Variants in NREP observed in about 807,000 individuals in gnomAD.
NREP encodes neuronal regeneration-related protein.
NREP carries 5 observed loss-of-function variants against 8.6 expected under a neutral mutation model. The ratio of observed to expected loss-of-function variants is 0.58; its 90% CI spans 0.30 to 1.22. The LOEUF (loss-of-function observed/expected upper bound fraction) is 1.22. Among genes scored for constraint, NREP ranks in the 50% most tolerant of loss-of-function variants. The pLI, the probability that NREP is intolerant of heterozygous loss-of-function variation, is 0.07. For synonymous variants in NREP, 27 were observed against 28.0 expected, an observed-to-expected ratio of 0.96 and a Z score of 0.11; for missense variants, 86 against 82.5, an observed-to-expected ratio of 1.04 and a Z score of -0.17.
At chr5:111,887,764 G>A (rs555090848) in intron 2 of NREP, among the ~76,000 whole-genome samples, 1 of 152,268 alleles carries the variant, frequency 6.6e-6, no homozygotes, top group East Asian at 1.9e-4. Flanking sequence ...CATGGGCATT[G>A]CTGTTGAGAT....
chr5:111,837,995 T>C (rs1167392071), intron 2 of NREP, among the ~76,000 whole-genome samples: 4 of 152,066 alleles, frequency 2.6e-5, no homozygotes, highest in Non-Finnish European at 5.9e-5. Context: ...ACCTTTAGAG[T>C]CTATTTTCTA....
At chr5:111,780,933 A>C (rs1751479180) in intron 2 of NREP, among the ~76,000 whole-genome samples, 1 of 152,098 alleles carries the variant, frequency 6.6e-6, no homozygotes, top group African/African-American at 2.4e-5. Context: ...GTATATGTGC[A>C]GGTTTGTAAT....
intron 2 of NREP, among the ~76,000 whole-genome samples, chr5:111,891,571 A>T (rs767413722): frequency 1.3e-5 from 2 of 152,218 alleles, no homozygotes; most frequent in Admixed American, 6.5e-5. Context: ...CTATAAAGAA[A>T]TAACTTAGAT....
At chr5:111,913,827 A>G (rs1754979806) in intron 2 of NREP, among the ~76,000 whole-genome samples, 1 of 152,154 alleles carries the variant, frequency 6.6e-6, no homozygotes, top group Non-Finnish European at 1.5e-5. Context: ...GGATAAGAGA[A>G]GTAGAAGAGA....
At chr5:111,767,918 G>A (rs1137207) in intron 2 of NREP, among the ~76,000 whole-genome samples, 1 of 152,072 alleles carries the variant, frequency 6.6e-6, no homozygotes, top group Non-Finnish European at 1.5e-5. Context: ...TCCTGCCTCG[G>A]CCTCCTAAAG....
chr5:111,892,434 C>T (rs1271446739), intron 2 of NREP, among the ~76,000 whole-genome samples: 3 of 152,118 alleles, frequency 2.0e-5, no homozygotes, highest in Non-Finnish European at 4.4e-5. Flanking sequence ...TCACTCAGGG[C>T]ACAATCCCAC....
intron 2 of NREP, among the ~76,000 whole-genome samples, chr5:111,881,924 T>TCTC (rs1754086198): frequency 6.6e-6 from 1 of 152,062 alleles, no homozygotes; most frequent in African/African-American, 2.4e-5. Context: ...GCAGAGCACC[T>TCTC]CTCCTCCTCC....
At chr5:111,823,015 T>C (rs1752545035) in intron 2 of NREP, among the ~76,000 whole-genome samples, 2 of 152,240 alleles carry the variant, frequency 1.3e-5, no homozygotes, top group South Asian at 4.1e-4. Context: ...GCTCTGGTTC[T>C]GAATCTGGAA....
intron 2 of NREP, among the ~76,000 whole-genome samples, chr5:111,905,095 C>A (rs1754747418): frequency 6.6e-6 from 1 of 152,068 alleles, no homozygotes; most frequent in Non-Finnish European, 1.5e-5. Context: ...TTATGCACAC[C>A]AATAAATTTG....
intron 2 of NREP, among the ~76,000 whole-genome samples, chr5:111,749,953 T>C (rs1750250677): frequency 6.6e-6 from 1 of 152,074 alleles, no homozygotes; most frequent in Admixed American, 6.5e-5. Context: ...AAAGTGTAAG[T>C]GAGTGAGTGT....
chr5:111,817,276 G>T (rs62371584), intron 2 of NREP, among the ~76,000 whole-genome samples: 4,371 of 152,070 alleles, frequency 0.029, 105 homozygotes, highest in Non-Finnish European at 0.042. Flanking sequence ...ATTTTATTGT[G>T]TTATTGCACT....
chr5:111,794,715 G>C (rs1036140825), intron 2 of NREP, among the ~76,000 whole-genome samples: 1 of 152,100 alleles, frequency 6.6e-6, no homozygotes, highest in Non-Finnish European at 1.5e-5. Context: ...AGGATGTTTA[G>C]GACTGTGAAA....
At chr5:111,887,735 TAA>T (rs1754296525) in intron 2 of NREP, among the ~76,000 whole-genome samples, 1 of 152,224 alleles carries the variant, frequency 6.6e-6, no homozygotes, top group Non-Finnish European at 1.5e-5. Context: ...ACTCGAACTT[TAA>T]AAAGTGCTGA....
intron 2 of NREP, among the ~76,000 whole-genome samples, chr5:111,916,512 T>C (rs928609722): frequency 6.6e-6 from 1 of 152,276 alleles, no homozygotes; most frequent in Admixed American, 6.5e-5. Flanking sequence ...CACCAGCTCT[T>C]GAATATAAAT....
rs1393599755 is a variant in NREP, at chr5:111,843,045, T to C, written c.136-107538A>G. On this transcript the variant is annotated intron_variant, in intron 2 of 3. Coordinates refer to the NREP transcript ENST00000395634. ...GAAGATCTTTTTTATGTTTAATCTA[T>C]TTTTGATTATTTGGGATCCATGAAC... Among the ~76,000 whole-genome samples, 3 of 152,138 alleles carry C rather than the reference T, an allele frequency of 2.0e-5. No individual in the cohort carries two copies. In the East Asian group the frequency reaches 5.8e-4, roughly 29 times the overall value.
rs541302670 is a variant in NREP at position 111,862,551 on chromosome 5, C to T, written c.135+112723G>A. On this transcript the variant is annotated intron_variant, in intron 2 of 3. Transcript: ENST00000395634. ...GTTGCAAAACAGTTGGCAACGTTCTCGAAAAATTGCCTGCCTGGGCCATGC... is the reference window on the plus strand; with the variant it reads ...GTTGCAAAACAGTTGGCAACGTTCTTGAAAAATTGCCTGCCTGGGCCATGC... 7.9e-5 allele frequency among the ~76,000 whole-genome samples: 12 copies of T among 152,130 alleles called. 2 individuals carry two copies. In the South Asian group the frequency reaches 1.9e-3, roughly 24 times the overall value.
At chr5:111,740,425 T>C (rs759816852) in intron 2 of NREP, among the ~76,000 whole-genome samples, 17 of 152,152 alleles carry the variant, frequency 1.1e-4, no homozygotes, top group Non-Finnish European at 2.1e-4. Flanking sequence ...AGCATACAAA[T>C]TGGAAATAAA....
intron 2 of NREP, among the ~76,000 whole-genome samples, chr5:111,836,973 G>C (rs919461522): frequency 6.6e-6 from 1 of 152,040 alleles, no homozygotes; most frequent in Admixed American, 6.6e-5. Context: ...TTGAGAGGAA[G>C]AAAGAAGACT....
chr5:111,845,705 A>G (rs1295560728), intron 2 of NREP, among the ~76,000 whole-genome samples: 1 of 152,190 alleles, frequency 6.6e-6, no homozygotes, highest in Non-Finnish European at 1.5e-5. Flanking sequence ...AGCACAATTT[A>G]ATATCATATA....
Sources: allele counts gnomAD v4.1 joint callset (sites outside exome capture counted in the v4.1 genomes callset), GRCh38; gene constraint gnomAD v4.1.1; transcripts MANE v1.5; gene names NCBI Gene and HGNC (gene_info 2026-07-23, HGNC 2026-07-21).